Variants in CTNNA3 observed in about 807,000 individuals in gnomAD.
CTNNA3 encodes catenin alpha-3.
Under a neutral mutation model 95.7 loss-of-function variants are expected in CTNNA3, and 76 were observed. The observed-to-expected ratio is 0.79, with a 90% CI of 0.66 to 0.96. CTNNA3 has a LOEUF of 0.96. Among genes scored for constraint, CTNNA3 ranks in the 40% least tolerant of loss-of-function variants. CTNNA3 has a pLI of 0.00. For missense variants in CTNNA3, 1,191 were observed against 1,089.8 expected (o/e 1.09, Z -1.31); for synonymous variants, 431 against 374.4 (o/e 1.15, Z -1.74).
chr10:67,725,211 C>G (rs986141565), intron 1 of CTNNA3, among the ~76,000 whole-genome samples: 1 of 149,774 alleles, frequency 6.7e-6, no homozygotes, highest in African/African-American at 2.5e-5. Flanking sequence ...GAGTCTCGCT[C>G]TGTTGCCCAG....
At chr10:66,294,156 T>A (rs1015772943) in intron 12 of CTNNA3, among the ~76,000 whole-genome samples, 1 of 152,320 alleles carries the variant, frequency 6.6e-6, no homozygotes, top group South Asian at 2.1e-4. Flanking sequence ...TTTAAATGAA[T>A]CATCTCTATC....
chr10:66,513,754 T>A (rs2131999808), intron 11 of CTNNA3, among the ~76,000 whole-genome samples: 1 of 152,276 alleles, frequency 6.6e-6, no homozygotes, highest in South Asian at 2.1e-4. Flanking sequence ...GGGAACAAGG[T>A]CACTGTCATC....
intron 7 of CTNNA3, among the ~76,000 whole-genome samples, chr10:66,815,905 G>T (rs1249161255): frequency 6.6e-6 from 1 of 152,082 alleles, no homozygotes; most frequent in African/African-American, 2.4e-5. Flanking sequence ...TTCAGATGAA[G>T]AAATAAAGAG....
chr10:67,232,561 A>AAT lies in CTNNA3; in HGVS notation c.580-12692_580-12691insAT, dbSNP rs771821835. ...GTACCAGCCACTGCAAAATCATGCC[A>AAT]AAATGTAAAGACCATCGAGACTAGG... is the stretch of plus-strand genomic sequence containing the variant. On this transcript the variant is annotated intron_variant, in intron 5 of 17. Transcript: ENST00000433211. 3.0e-4 allele frequency among the ~76,000 whole-genome samples: 45 copies of AAT among 152,304 alleles called. 1 individual carries two copies. Among genetic ancestry groups the AAT allele is most frequent in the South Asian group, 2.9e-3 (14 of 4,818 alleles).
chr10:67,541,728 G>T (rs1840689889), intron 3 of CTNNA3, among the ~76,000 whole-genome samples: 1 of 152,032 alleles, frequency 6.6e-6, no homozygotes, highest in African/African-American at 2.4e-5. Flanking sequence ...AATAGAGATG[G>T]TAAATTTTTA....
intron 7 of CTNNA3, among the ~76,000 whole-genome samples, chr10:66,968,529 C>T (rs949326480): frequency 1.3e-5 from 2 of 151,536 alleles, no homozygotes; most frequent in Non-Finnish European, 1.5e-5. Flanking sequence ...TCTAAAAAAA[C>T]GTGGTTAGAA....
At chr10:66,263,664 G>A (rs946928244) in intron 13 of CTNNA3, among the ~76,000 whole-genome samples, 1 of 151,890 alleles carries the variant, frequency 6.6e-6, no homozygotes, top group East Asian at 1.9e-4. Flanking sequence ...TTATATCTAA[G>A]CCCAGTGGAA....
intron 1 of CTNNA3, among the ~76,000 whole-genome samples, chr10:67,744,820 A>G (rs1841364840): frequency 6.6e-6 from 1 of 152,022 alleles, no homozygotes; most frequent in Admixed American, 6.6e-5. Flanking sequence ...AAAACAAACA[A>G]CCCCATCAAA....
intron 1 of CTNNA3, among the ~76,000 whole-genome samples, chr10:67,705,825 C>T (rs1841075446): frequency 6.6e-6 from 1 of 151,848 alleles, no homozygotes; most frequent in South Asian, 2.1e-4. Flanking sequence ...ACATGCTCTT[C>T]CTCTCGTATG....
At chr10:67,069,945 G>A (rs1024539968) in intron 7 of CTNNA3, among the ~76,000 whole-genome samples, 1 of 152,074 alleles carries the variant, frequency 6.6e-6, no homozygotes. Context: ...TAGAATTACT[G>A]GGTCATGGGA....
intron 11 of CTNNA3, among the ~76,000 whole-genome samples, chr10:66,431,388 A>G (rs2093294285): frequency 6.6e-6 from 1 of 152,176 alleles, no homozygotes; most frequent in Admixed American, 6.5e-5. Context: ...CAGCCATCCC[A>G]TTACTGGGTA....
At chr10:66,630,698 C>T (rs1845102413) in intron 9 of CTNNA3, among the ~76,000 whole-genome samples, 4 of 152,172 alleles carry the variant, frequency 2.6e-5, no homozygotes, top group African/African-American at 9.7e-5. Flanking sequence ...CGAATGACCT[C>T]TGGCTAACAA....
chr10:66,444,914 G>A (rs2093407107), intron 11 of CTNNA3, among the ~76,000 whole-genome samples: 1 of 152,024 alleles, frequency 6.6e-6, no homozygotes, highest in Non-Finnish European at 1.5e-5. Context: ...TCAGTGTGCT[G>A]TATTCAGGAA....
intron 6 of CTNNA3, among the ~76,000 whole-genome samples, chr10:67,212,796 A>C (rs1331247237): frequency 6.6e-6 from 1 of 151,910 alleles, no homozygotes; most frequent in Non-Finnish European, 1.5e-5. Flanking sequence ...GAATAAATTC[A>C]ACTTTGTCAT....
chr10:67,272,098 C>T (rs1313239862), intron 5 of CTNNA3, among the ~76,000 whole-genome samples: 1 of 152,200 alleles, frequency 6.6e-6, no homozygotes, highest in African/African-American at 2.4e-5. Flanking sequence ...TCTGGATTCT[C>T]TCTTAGGAGT....
chr10:66,814,266 GA>G (rs71035182), intron 7 of CTNNA3, among the ~76,000 whole-genome samples: 42,112 of 136,844 alleles, frequency 0.31, 7,614 homozygotes, highest in African/African-American at 0.55. Context: ...AAGGAGGAAA[GA>G]AAAAAAAAAA....
At chr10:67,291,213 A>G (rs1186166369) in intron 5 of CTNNA3, among the ~76,000 whole-genome samples, 2 of 152,180 alleles carry the variant, frequency 1.3e-5, no homozygotes, top group Non-Finnish European at 2.9e-5. Context: ...AGAAAATAAT[A>G]CATGTACAAT....
At chr10:66,618,864 GA>G (rs1158978900) in intron 10 of CTNNA3, among the ~76,000 whole-genome samples, 1 of 151,834 alleles carries the variant, frequency 6.6e-6, no homozygotes, top group Non-Finnish European at 1.5e-5. Flanking sequence ...ACATTTACAA[GA>G]AAAAAACAAA....
intron 14 of CTNNA3, among the ~76,000 whole-genome samples, chr10:66,095,075 G>C (rs905286570): frequency 3.3e-5 from 5 of 152,122 alleles, no homozygotes; most frequent in Non-Finnish European, 7.4e-5. Flanking sequence ...ATTTCAAGGA[G>C]AGGAAATTTG....
Sources: gnomAD v4.1 joint callset for allele counts (sites outside exome capture counted in the v4.1 genomes callset) on GRCh38, gnomAD v4.1.1 for gene constraint, MANE v1.5 for transcripts, NCBI Gene and HGNC (gene_info 2026-07-23, HGNC 2026-07-21) for gene names.